Variants in PCDHA5 observed in about 807,000 individuals in gnomAD.
The protein encoded by PCDHA5 is protocadherin alpha 5.
PCDHA5 carries 43 observed loss-of-function variants against 61.6 expected under a neutral mutation model. The observed-to-expected ratio is 0.70, with a 90% CI of 0.55 to 0.90. The LOEUF (loss-of-function observed/expected upper bound fraction) is 0.90, where lower values mean the gene tolerates loss of function less well. PCDHA5 is among the 40% of genes least tolerant of loss of function. The pLI is 0.00. For synonymous variants in PCDHA5, 627 were observed against 543.9 expected (o/e 1.15, Z -2.13); for missense variants, 1,298 against 1,222.7 (o/e 1.06, Z -0.92).
In PCDHA5 at chr5:141,010,147, C is replaced by T. The variant is rs895381983; in HGVS notation, c.*210C>T. ...AAGTCTGGTGTTAACTCTTTCTCTC[C>T]ACTCTGGCTTGTTTTCAGAACCTAA... On this transcript the variant is annotated 3_prime_UTR_variant, in exon 4 of 4. Coordinates refer to ENST00000529859, the MANE Select transcript of PCDHA5 (RefSeq NM_018908.3). 3.2e-6 allele frequency: 5 copies of T among 1,583,190 alleles called. No homozygotes were observed. The highest frequency in any genetic ancestry group is 4.3e-6 in the Non-Finnish European group (5 of 1,163,606).
chr5:140,938,500 T>C (rs1450018538), intron 1 of PCDHA5, among the ~76,000 whole-genome samples: 2 of 152,156 alleles, frequency 1.3e-5, no homozygotes, highest in Non-Finnish European at 2.9e-5. Context: ...AGGCATTGAA[T>C]TTATCACATA....
intron 1 of PCDHA5, among the ~76,000 whole-genome samples, chr5:140,923,099 G>A (rs1164124655): frequency 6.6e-6 from 1 of 152,168 alleles, no homozygotes; most frequent in Non-Finnish European, 1.5e-5. Flanking sequence ...ACCAATGGGA[G>A]TATGATTTTA....
chr5:140,823,937 G>C lies in PCDHA5; in HGVS notation c.2162G>C (p.Arg721Pro), dbSNP rs2150130560. Residue 721 changes from arginine to proline, a missense_variant, in exon 1 of 4, where the codon CGG (arginine) becomes CCG (proline). By Grantham distance (103) the Arg-to-Pro change is moderately radical (BLOSUM62 -2). Transcript: ENST00000529859. ...ACGCTGCTGCTGTACACCGCGCTGC[G>C]GTGCTCGGCGCAGCCCACCGAGGCC... ...VLTLLLYTAL[R>P]CSAQPTEAVC... 10 of 1,613,906 alleles carry C rather than the reference G, an allele frequency of 6.2e-6. No individual in the cohort carries two copies. In the East Asian group the frequency reaches 2.2e-4, roughly 36 times the overall value.
chr5:140,838,276 G>A (rs1775636569), intron 1 of PCDHA5, among the ~76,000 whole-genome samples: 1 of 88,868 alleles, frequency 1.1e-5, no homozygotes, highest in South Asian at 3.7e-4. Flanking sequence ...ACCAAGCCAT[G>A]CTAATTTTTT....
intron 2 of PCDHA5, among the ~76,000 whole-genome samples, 188 bp downstream of exon 2, chr5:140,979,195 T>C (rs1554240340): frequency 1.3e-5 from 2 of 152,232 alleles, no homozygotes; most frequent in African/African-American, 4.8e-5. Context: ...GCCAGATGCT[T>C]ATCAAGTGCT....
intron 1 of PCDHA5, among the ~76,000 whole-genome samples, chr5:140,918,373 C>A (rs1459758959): frequency 6.6e-6 from 1 of 152,056 alleles, no homozygotes; most frequent in Non-Finnish European, 1.5e-5. Context: ...TATTTGGATG[C>A]CTTTTATTTC....
intron 3 of PCDHA5, among the ~76,000 whole-genome samples, chr5:140,988,057 C>G (rs557714672): frequency 2.0e-4 from 30 of 152,188 alleles, no homozygotes; most frequent in Non-Finnish European, 3.7e-4. Context: ...GCACTGTCAA[C>G]ATGAATTTTT....
chr5:140,856,591 T>G (rs1554148896), intron 1 of PCDHA5: 1 of 1,597,268 alleles, frequency 6.3e-7, no homozygotes, highest in African/African-American at 1.3e-5. Flanking sequence ...TTCTTGATAT[T>G]ATAAACAAAA....
intron 1 of PCDHA5, chr5:140,870,513 C>G: frequency 6.2e-7 from 1 of 1,614,254 alleles, no homozygotes; most frequent in Non-Finnish European, 8.5e-7. Flanking sequence ...ACCCACCAGG[C>G]TGCCACATCT....
At chr5:140,994,864 G>A (rs2097653681) in intron 3 of PCDHA5, among the ~76,000 whole-genome samples, 1 of 152,114 alleles carries the variant, frequency 6.6e-6, no homozygotes, top group Non-Finnish European at 1.5e-5. Context: ...TGATGGATGT[G>A]GTAGAATAAA....
At chr5:140,942,260 T>TA (rs2093256424) in intron 1 of PCDHA5, among the ~76,000 whole-genome samples, 1 of 152,086 alleles carries the variant, frequency 6.6e-6, no homozygotes, top group African/African-American at 2.4e-5. Flanking sequence ...AAAAGATATC[T>TA]AAAGCTGGTA....
chr5:140,961,856 C>T (rs781908407), intron 1 of PCDHA5, among the ~76,000 whole-genome samples: 1 of 151,570 alleles, frequency 6.6e-6, no homozygotes, highest in Non-Finnish European at 1.5e-5. Flanking sequence ...GATCATTTAT[C>T]TGGCCACAGA....
chr5:140,903,346 A>G (rs76789733), intron 1 of PCDHA5, among the ~76,000 whole-genome samples: 12,326 of 152,302 alleles, frequency 0.081, 540 homozygotes, highest in Middle Eastern at 0.13. Context: ...TGCATTTTAA[A>G]AAACAAGTTT....
At position 140,832,567 on chromosome 5, in the gene PCDHA5, G is replaced by A. The variant is rs138843846; in HGVS notation, c.2352+8440G>A. 2.6e-5 allele frequency among the ~76,000 whole-genome samples: 4 copies of A among 152,302 alleles called. No individual in the cohort carries two copies. The East Asian group carries it at 7.7e-4, about 29-fold the overall frequency. On this transcript the variant is annotated intron_variant, in intron 1 of 3. Coordinates refer to ENST00000529859, the MANE Select transcript of PCDHA5 (RefSeq NM_018908.3). ...AATGATATCTAACAGCCTCAAAACAGCATACTTTCTTAGGAAGTAGAGAAC... is the reference window on the plus strand; with the variant it reads ...AATGATATCTAACAGCCTCAAAACAACATACTTTCTTAGGAAGTAGAGAAC...
intron 1 of PCDHA5, among the ~76,000 whole-genome samples, chr5:140,925,376 A>G (rs1010003214): frequency 2.0e-5 from 3 of 152,150 alleles, no homozygotes; most frequent in Non-Finnish European, 2.9e-5. Context: ...TCAATAGTCA[A>G]TGAGTCTCCT....
At chr5:140,924,662 A>C (rs891233024) in intron 1 of PCDHA5, among the ~76,000 whole-genome samples, 6 of 152,166 alleles carry the variant, frequency 3.9e-5, no homozygotes, top group Non-Finnish European at 5.9e-5. Flanking sequence ...TGGGAGGCCG[A>C]GGCAGGCCAA....
At chr5:140,876,556 G>A (rs369915148) in intron 1 of PCDHA5, 10 of 1,614,204 alleles carry the variant, frequency 6.2e-6, no homozygotes, top group Non-Finnish European at 8.5e-6. Flanking sequence ...TGTGCAAGAG[G>A]ATGCTCAGGT....
rs2150277025 is a variant in PCDHA5, at chr5:140,837,589, G to A, written c.2352+13462G>A. Among the ~76,000 whole-genome samples the A allele has an allele frequency of 4.8e-4, 73 of 151,324 alleles. 1 individual carries two copies. Among genetic ancestry groups the A allele is most frequent in the Admixed American group, 7.9e-4 (12 of 15,168 alleles). On this transcript the variant is annotated intron_variant, in intron 1 of 3. Coordinates refer to ENST00000529859, the MANE Select transcript of PCDHA5 (RefSeq NM_018908.3). ...ATTTACAATCACCAAATTGTAAATCGCCAATATATATATTTTATAATTTGC... is the reference window on the plus strand; with the variant it reads ...ATTTACAATCACCAAATTGTAAATCACCAATATATATATTTTATAATTTGC...
intron 1 of PCDHA5, among the ~76,000 whole-genome samples, chr5:140,900,565 C>T (rs368765128): frequency 1.2e-4 from 19 of 152,248 alleles, no homozygotes; most frequent in South Asian, 1.2e-3. Context: ...GCGTGAGCCA[C>T]GGCACCGGCC....
Sources: gnomAD v4.1 joint callset for allele counts (sites outside exome capture counted in the v4.1 genomes callset) on GRCh38, gnomAD v4.1.1 for gene constraint, MANE v1.5 for transcripts, NCBI Gene and HGNC (gene_info 2026-07-23, HGNC 2026-07-21) for gene names.